The following NBEA variants were observed in gnomAD, a reference collection of about 807,000 sequenced individuals.
NBEA encodes lysosomal-trafficking regulator 2.
NBEA carries 44 observed loss-of-function variants against 343.4 expected under a neutral mutation model. That is an observed-to-expected ratio of 0.13 (90% CI 0.10 to 0.16). NBEA has a LOEUF of 0.16. Among genes scored for constraint, NBEA ranks in the 10% least tolerant of loss-of-function variants. NBEA has a pLI of 1.00. For missense variants in NBEA, 2,555 were observed against 3,631.3 expected, an observed-to-expected ratio of 0.70 and a Z score of 7.62; for synonymous variants, 1,175 against 1,238.7, an observed-to-expected ratio of 0.95 and a Z score of 1.08.
In NBEA at chr13:35,562,422, T is replaced by C. The variant is rs567065148; in HGVS notation, c.6923-4483T>C. On this transcript the variant is annotated intron_variant, in intron 44 of 58. Coordinates refer to ENST00000379939, the MANE Select transcript of NBEA (RefSeq NM_001385012.1). ...CCTGTAATTCTTGCATTTTAAAAAA[T>C]AGGAGAGTAACCGCTAACACGGCTT... 7.9e-5 allele frequency among the ~76,000 whole-genome samples: 12 copies of C among 152,222 alleles called. No homozygotes were observed. The South Asian group carries it at 2.5e-3, about 32-fold the overall frequency.
rs762960545 is a variant in NBEA at position 35,160,021 on chromosome 13, A to G, written c.3850A>G (p.Thr1284Ala). 2 of 1,575,016 alleles carry G rather than the reference A, an allele frequency of 1.3e-6. No individual in the cohort carries two copies. The highest frequency in any genetic ancestry group is 1.2e-5 in the South Asian group (1 of 83,832). Residue 1284 changes from threonine to alanine, a missense_variant, in exon 22 of 59, where the codon ACT (threonine) becomes GCT (alanine). Thr to Ala is a moderately conservative substitution (Grantham distance 58). This residue lies in a region of NBEA where 367 missense variants were observed against 377.5 expected (regional missense o/e 0.97). Coordinates refer to ENST00000379939, the MANE Select transcript of NBEA (RefSeq NM_001385012.1). Reference sequence around the variant, plus strand: ...AGAAATCCGAAAAATCCAAACAACTACTACGACACAAGTAAGCTACCTTAT... The same window carrying G: ...AGAAATCCGAAAAATCCAAACAACTGCTACGACACAAGTAAGCTACCTTAT... ...GKEIRKIQTT[T>A]TTQAVQGRSI...
chr13:35,661,854 C>A (rs2085105482), intron 55 of NBEA, among the ~76,000 whole-genome samples: 1 of 152,136 alleles, frequency 6.6e-6, no homozygotes, highest in Non-Finnish European at 1.5e-5. Context: ...TCTGCAGTGA[C>A]TTCCCCAGGG....
intron 1 of NBEA, among the ~76,000 whole-genome samples, chr13:34,970,495 A>G (rs1035807206): frequency 6.6e-6 from 1 of 152,092 alleles, no homozygotes; most frequent in African/African-American, 2.4e-5. Context: ...GTTGTCTTTC[A>G]CAGTTTTTAT....
At chr13:35,628,307 G>T (rs2083312085) in intron 49 of NBEA, 59 bp downstream of exon 49, 1 of 1,215,514 alleles carries the variant, frequency 8.2e-7, no homozygotes, top group South Asian at 1.9e-5. Context: ...ACACAAATTT[G>T]ACATTTCATC....
chr13:35,354,764 A>T (rs2040397259), intron 38 of NBEA, among the ~76,000 whole-genome samples: 1 of 152,134 alleles, frequency 6.6e-6, no homozygotes, highest in Non-Finnish European at 1.5e-5. Flanking sequence ...TTCACTCTCT[A>T]GACAATTTTA....
chr13:35,151,884 A>G (rs1330081552), intron 18 of NBEA, among the ~76,000 whole-genome samples: 1 of 152,108 alleles, frequency 6.6e-6, no homozygotes, highest in African/African-American at 2.4e-5. Flanking sequence ...ATGAGTAATT[A>G]TGTTTTCCTT....
chr13:35,121,854 G>C (rs1255095996), intron 16 of NBEA, among the ~76,000 whole-genome samples: 2 of 151,936 alleles, frequency 1.3e-5, no homozygotes. Flanking sequence ...TTGTTCAGCT[G>C]AGTACTTTAC....
intron 38 of NBEA, among the ~76,000 whole-genome samples, chr13:35,385,922 CCCAT>C (rs1269721288): frequency 6.6e-6 from 1 of 152,066 alleles, no homozygotes; most frequent in Non-Finnish European, 1.5e-5. Context: ...GTTTCCCCAT[CCCAT>C]CCATTTTCTT....
chr13:35,109,257 G>A, intron 11 of NBEA, 33 bp from the exon 12 acceptor site: 1 of 1,525,972 alleles, frequency 6.6e-7, no homozygotes, highest in Non-Finnish European at 8.8e-7. Flanking sequence ...TATTCTGGAT[G>A]TTTCAAGCTA....
intron 17 of NBEA, among the ~76,000 whole-genome samples, chr13:35,125,602 T>C (rs1277175019): frequency 6.6e-6 from 1 of 152,166 alleles, no homozygotes; most frequent in Non-Finnish European, 1.5e-5. Flanking sequence ...CCTTGTCCCT[T>C]CTTTTACACA....
intron 41 of NBEA, among the ~76,000 whole-genome samples, chr13:35,486,726 A>G (rs1366910838): frequency 6.6e-6 from 1 of 152,038 alleles, no homozygotes; most frequent in Non-Finnish European, 1.5e-5. Flanking sequence ...AACATAATTG[A>G]TGAGTTTTAA....
chr13:35,427,576 G>A (rs1418538415), intron 38 of NBEA, among the ~76,000 whole-genome samples: 3 of 152,254 alleles, frequency 2.0e-5, no homozygotes, highest in African/African-American at 7.2e-5. Flanking sequence ...GCTACTCGGG[G>A]GTCAGGGACC....
At position 35,567,846 on chromosome 13, in the gene NBEA, G is replaced by C. The variant is rs185736015; in HGVS notation, c.7035+829G>C. On this transcript the variant is annotated intron_variant, in intron 45 of 58. Transcript: ENST00000379939. ...AGAGCAGCATAAGCCCTGTGATTTAGGGAAACAACATTACAGCTGATTTAA... is the reference window on the plus strand; with the variant it reads ...AGAGCAGCATAAGCCCTGTGATTTACGGAAACAACATTACAGCTGATTTAA... 9.9e-5 allele frequency among the ~76,000 whole-genome samples: 15 copies of C among 152,268 alleles called. No homozygotes were observed. The East Asian group carries it at 2.9e-3, about 29-fold the overall frequency.
chr13:35,214,054 A>G (rs895583625), intron 33 of NBEA, among the ~76,000 whole-genome samples: 1 of 151,906 alleles, frequency 6.6e-6, no homozygotes, highest in Non-Finnish European at 1.5e-5. Flanking sequence ...TCTGTGATTT[A>G]TCGATATCTT....
intron 34 of NBEA, among the ~76,000 whole-genome samples, chr13:35,284,071 A>G (rs1039066513): frequency 6.6e-6 from 1 of 152,116 alleles, no homozygotes; most frequent in Non-Finnish European, 1.5e-5. Context: ...TCCTTGGAAG[A>G]CAGCCAAACT....
At chr13:35,239,131 C>A (rs1481781172) in intron 34 of NBEA, among the ~76,000 whole-genome samples, 1 of 151,912 alleles carries the variant, frequency 6.6e-6, no homozygotes, top group Non-Finnish European at 1.5e-5. Context: ...TTTAAATATT[C>A]CTGATTTCCT....
intron 10 of NBEA, among the ~76,000 whole-genome samples, chr13:35,078,838 A>G (rs936153766): frequency 7.9e-5 from 12 of 152,126 alleles, no homozygotes; most frequent in African/African-American, 2.9e-4. Flanking sequence ...CCTGGCCAAC[A>G]TGGTGAAACC....
chr13:35,345,125 A>T (rs1457243032), intron 36 of NBEA, among the ~76,000 whole-genome samples: 1 of 152,102 alleles, frequency 6.6e-6, no homozygotes, highest in Non-Finnish European at 1.5e-5. Flanking sequence ...AATGTCATTC[A>T]TTTATCACAT....
chr13:35,097,153 A>T (rs2065377710), intron 10 of NBEA, among the ~76,000 whole-genome samples: 1 of 151,898 alleles, frequency 6.6e-6, no homozygotes, highest in Non-Finnish European at 1.5e-5. Context: ...TCTAATTTGA[A>T]CAAAAGTAGC....
Sources: allele counts gnomAD v4.1 joint callset (sites outside exome capture counted in the v4.1 genomes callset), GRCh38; gene constraint gnomAD v4.1.1; regional missense constraint gnomAD v4.1.1; transcripts MANE v1.5; gene names NCBI Gene and HGNC (gene_info 2026-07-23, HGNC 2026-07-21).